Variants in TAFA4 observed in about 807,000 individuals in gnomAD.
The protein encoded by TAFA4 is chemokine-like protein TAFA-4.
Under a neutral mutation model 21.1 loss-of-function variants are expected in TAFA4, and 20 were observed. That is an observed-to-expected ratio of 0.95 (90% CI 0.67 to 1.38). The LOEUF is 1.38. Ranked by LOEUF, TAFA4 falls within the 40% of genes most tolerant of loss-of-function variation. The probability of loss-of-function intolerance (pLI) is 0.00; values close to 1 mark genes in which losing one functional copy is unlikely to be tolerated. For missense variants in TAFA4, 211 were observed against 180.9 expected, an observed-to-expected ratio of 1.17 and a Z score of -0.95; for synonymous variants, 71 against 67.4, an observed-to-expected ratio of 1.05 and a Z score of -0.26.
chr3:68,811,064 T>A (rs1368913447), intron 3 of TAFA4, among the ~76,000 whole-genome samples: 2 of 152,222 alleles, frequency 1.3e-5, no homozygotes, highest in African/African-American at 4.8e-5. Context: ...GCAAACAGGG[T>A]CTGGAGTGGA....
Position 68,875,791 on chromosome 3 carries a change from T to G in TAFA4, c.130+4939A>C, listed in dbSNP as rs149807682. On this transcript the variant is annotated intron_variant, in intron 3 of 5. Transcript: ENST00000295569. ...TGCCACTTCCCTCTCCCTAAAAATA[T>G]GCTCTTGCAGAGAATAACAGCATAA... 2.8e-3 allele frequency among the ~76,000 whole-genome samples: 420 copies of G among 152,228 alleles called. 3 individuals carry two copies. The highest frequency in any genetic ancestry group is 9.7e-3 in the African/African-American group (402 of 41,538).
chr3:68,821,339 T>TAAGAGAAAACAAG (rs1559532888), intron 3 of TAFA4, among the ~76,000 whole-genome samples: 10 of 29,108 alleles, frequency 3.4e-4, no homozygotes, highest in South Asian at 1.6e-3. Flanking sequence ...TTTTTTTTTT[T>TAAGAGAAAACAAG]TTTTTTTTTT....
intron 3 of TAFA4, among the ~76,000 whole-genome samples, chr3:68,879,247 G>C (rs147250671): frequency 6.6e-6 from 1 of 152,094 alleles, no homozygotes; most frequent in Non-Finnish European, 1.5e-5. Flanking sequence ...CCACAGTAGA[G>C]TGAAAATCTG....
chr3:68,885,102 G>C, intron 2 of TAFA4, 73 bp downstream of exon 2: 2 of 1,442,812 alleles, frequency 1.4e-6, no homozygotes, highest in South Asian at 1.2e-5. Context: ...TCAACTCCAG[G>C]ATACTCACTT....
chr3:68,825,628 G>C (rs943820629), intron 3 of TAFA4, among the ~76,000 whole-genome samples: 1 of 151,542 alleles, frequency 6.6e-6, no homozygotes, highest in African/African-American at 2.4e-5. Flanking sequence ...AAAAAGGAGA[G>C]GCTCACTGAG....
intron 3 of TAFA4, among the ~76,000 whole-genome samples, chr3:68,843,223 T>G (rs951591366): frequency 6.6e-6 from 1 of 152,188 alleles, no homozygotes; most frequent in Non-Finnish European, 1.5e-5. Flanking sequence ...TGGTTTGTAG[T>G]TCCCCATGAG....
chr3:68,873,373 CACA>C (rs2089510056), intron 3 of TAFA4, among the ~76,000 whole-genome samples: 2 of 144,170 alleles, frequency 1.4e-5, no homozygotes, highest in African/African-American at 4.9e-5. Context: ...CACACACACA[CACA>C]CCCTGGGCCA....
intron 1 of TAFA4, among the ~76,000 whole-genome samples, chr3:68,927,103 GC>G (rs1020750067): frequency 1.3e-5 from 2 of 152,018 alleles, no homozygotes; most frequent in African/African-American, 4.8e-5. Flanking sequence ...GAGCAAAATT[GC>G]CCCCCATTGG....
intron 1 of TAFA4, among the ~76,000 whole-genome samples, chr3:68,919,959 C>A (rs1054499294): frequency 2.6e-5 from 4 of 152,154 alleles, no homozygotes; most frequent in African/African-American, 4.8e-5. Flanking sequence ...TAGAAAAATG[C>A]AAACACATGG....
chr3:68,759,908 A>T (rs9841097), intron 3 of TAFA4, among the ~76,000 whole-genome samples: 88,932 of 151,944 alleles, frequency 0.59, 26,652 homozygotes, highest in East Asian at 0.93. Flanking sequence ...GGTAGGTACT[A>T]ATTTCTATTT....
At chr3:68,793,435 A>G (rs1354385455) in intron 3 of TAFA4, among the ~76,000 whole-genome samples, 1 of 152,204 alleles carries the variant, frequency 6.6e-6, no homozygotes, top group Non-Finnish European at 1.5e-5. Flanking sequence ...CAGATAAGCA[A>G]TCCTATTTGG....
At chr3:68,747,913 C>G (rs574943426) in intron 4 of TAFA4, among the ~76,000 whole-genome samples, 21 of 152,148 alleles carry the variant, frequency 1.4e-4, no homozygotes, top group Non-Finnish European at 2.6e-4. Context: ...CAAGCCAGAC[C>G]AAGCTACTTC....
chr3:68,873,756 A>G (rs953758454), intron 3 of TAFA4, among the ~76,000 whole-genome samples: 1 of 152,160 alleles, frequency 6.6e-6, no homozygotes, highest in Admixed American at 6.6e-5. Context: ...TTTCTAAACA[A>G]CAAATAAGAC....
At chr3:68,745,021 T>C (rs891704321) in intron 4 of TAFA4, among the ~76,000 whole-genome samples, 1 of 152,186 alleles carries the variant, frequency 6.6e-6, no homozygotes, top group Admixed American at 6.5e-5. Flanking sequence ...GGAGTTTCTT[T>C]GTGAAAGGCT....
At chr3:68,852,283 G>T (rs1324643808) in intron 3 of TAFA4, among the ~76,000 whole-genome samples, 1 of 152,120 alleles carries the variant, frequency 6.6e-6, no homozygotes, top group Non-Finnish European at 1.5e-5. Context: ...GAATTAATGA[G>T]TTTGGAGGAT....
At chr3:68,740,993 C>G (rs1176447845) in intron 4 of TAFA4, among the ~76,000 whole-genome samples, 1 of 152,158 alleles carries the variant, frequency 6.6e-6, no homozygotes, top group Non-Finnish European at 1.5e-5. Flanking sequence ...TATTCTGTTC[C>G]ATGGGTCTAC....
chr3:68,842,369 C>T, intron 3 of TAFA4, among the ~76,000 whole-genome samples: 1 of 152,088 alleles, frequency 6.6e-6, no homozygotes, highest in African/African-American at 2.4e-5. Context: ...CTGTACATAT[C>T]CTTCACCCAC....
At chr3:68,846,927 C>CAGA (rs1553647117) in intron 3 of TAFA4, among the ~76,000 whole-genome samples, 5 of 151,388 alleles carry the variant, frequency 3.3e-5, no homozygotes, top group African/African-American at 7.3e-5. Context: ...AGATGCCAGC[C>CAGA]GCTCTCCTGC....
At chr3:68,734,877 C>A (rs527689495) in intron 5 of TAFA4, among the ~76,000 whole-genome samples, 3 of 152,216 alleles carry the variant, frequency 2.0e-5, no homozygotes, top group Non-Finnish European at 2.9e-5. Flanking sequence ...ATGTAATTGT[C>A]AAAAGCATCT....
Sources: gnomAD v4.1 joint callset for allele counts (sites outside exome capture counted in the v4.1 genomes callset) on GRCh38, gnomAD v4.1.1 for gene constraint, MANE v1.5 for transcripts, NCBI Gene and HGNC (gene_info 2026-07-23, HGNC 2026-07-21) for gene names.